NTM: variants seen among roughly 807,000 people sequenced by gnomAD.
NTM encodes the protein IgLON family member 2.
NTM carries 13 observed loss-of-function variants against 42.1 expected under a neutral mutation model. The observed-to-expected ratio is 0.31, with a 90% CI of 0.20 to 0.49. The LOEUF (loss-of-function observed/expected upper bound fraction) is 0.49. Among genes scored for constraint, NTM ranks in the 20% least tolerant of loss-of-function variants. The pLI, the probability that NTM is intolerant of heterozygous loss-of-function variation, is 0.99. For missense variants in NTM, 373 were observed against 452.8 expected, an observed-to-expected ratio of 0.82 and a Z score of 1.60; for synonymous variants, 187 against 179.2, an observed-to-expected ratio of 1.04 and a Z score of -0.35.
At chr11:132,053,730 C>A (rs1194173649) in intron 2 of NTM, among the ~76,000 whole-genome samples, 1 of 152,214 alleles carries the variant, frequency 6.6e-6, no homozygotes, top group African/African-American at 2.4e-5. Flanking sequence ...GAGGATTTAT[C>A]TTGTTTGTTC....
At chr11:131,808,686 G>A (rs1187863741) in intron 1 of NTM, among the ~76,000 whole-genome samples, 1 of 152,192 alleles carries the variant, frequency 6.6e-6, no homozygotes, top group African/African-American at 2.4e-5. Flanking sequence ...GTTGTAGGGA[G>A]AGGAGTGCTC....
chr11:132,001,110 A>G (rs1359078023), intron 2 of NTM, among the ~76,000 whole-genome samples: 1 of 152,002 alleles, frequency 6.6e-6, no homozygotes, highest in Non-Finnish European at 1.5e-5. Context: ...TTTGTTTTGC[A>G]GGTTGCAAAA....
intron 4 of NTM, among the ~76,000 whole-genome samples, chr11:132,217,717 C>T (rs909826950): frequency 4.6e-5 from 7 of 151,976 alleles, no homozygotes; most frequent in African/African-American, 1.7e-4. Context: ...CCTCAGTTCT[C>T]CTTTTCTACT....
chr11:131,973,358 T>C (rs1333102638), intron 2 of NTM, among the ~76,000 whole-genome samples: 1 of 152,242 alleles, frequency 6.6e-6, no homozygotes, highest in African/African-American at 2.4e-5. Context: ...ACTTAGCTCT[T>C]ACTTTACAGC....
At chr11:132,268,897 G>A (rs758257218) in intron 4 of NTM, among the ~76,000 whole-genome samples, 3 of 152,108 alleles carry the variant, frequency 2.0e-5, no homozygotes, top group Non-Finnish European at 4.4e-5. Context: ...GAGAATGCCA[G>A]CTTGTTCCTG....
At chr11:131,841,035 G>A (rs1327473969) in intron 1 of NTM, among the ~76,000 whole-genome samples, 1 of 152,164 alleles carries the variant, frequency 6.6e-6, no homozygotes, top group Non-Finnish European at 1.5e-5. Flanking sequence ...AGTTTAAACT[G>A]AGCTAATTCA....
At chr11:131,794,206 C>T (rs557120514) in intron 1 of NTM, among the ~76,000 whole-genome samples, 2 of 152,244 alleles carry the variant, frequency 1.3e-5, no homozygotes, top group Admixed American at 1.3e-4. Context: ...CTGTCTCGCA[C>T]CTCTGGCTTG....
intron 1 of NTM, among the ~76,000 whole-genome samples, chr11:131,726,322 T>C (rs2078965060): frequency 6.6e-6 from 1 of 152,138 alleles, no homozygotes; most frequent in South Asian, 2.1e-4. Context: ...CTTAAAAAAA[T>C]GGTGGTTGCA....
intron 2 of NTM, among the ~76,000 whole-genome samples, chr11:132,079,467 A>G (rs1458053457): frequency 1.3e-5 from 2 of 152,160 alleles, no homozygotes; most frequent in Admixed American, 1.3e-4. Context: ...TCCTGTTACC[A>G]TCGTTGTTAA....
At chr11:132,162,141 C>T (rs554748752) in intron 3 of NTM, among the ~76,000 whole-genome samples, 2 of 151,682 alleles carry the variant, frequency 1.3e-5, no homozygotes, top group Admixed American at 1.3e-4. Context: ...TACTTTGTCC[C>T]TTCTGTAATG....
intron 2 of NTM, among the ~76,000 whole-genome samples, chr11:131,931,070 A>C (rs1178376070): frequency 6.6e-6 from 1 of 152,198 alleles, no homozygotes; most frequent in African/African-American, 2.4e-5. Context: ...TGCGAGTGAC[A>C]TAGATTTTTT....
intron 1 of NTM, among the ~76,000 whole-genome samples, chr11:131,748,807 A>T (rs1360349974): frequency 2.0e-5 from 3 of 151,972 alleles, no homozygotes; most frequent in African/African-American, 7.3e-5. Flanking sequence ...TCTCTCCACT[A>T]CCCTGGAGGC....
At chr11:131,567,364 G>A (rs1310954725) in intron 1 of NTM, among the ~76,000 whole-genome samples, 4 of 152,096 alleles carry the variant, frequency 2.6e-5, no homozygotes, top group South Asian at 2.1e-4. Flanking sequence ...GCACACACCC[G>A]TGATCCCGGC....
chr11:131,938,548 G>A (rs541483244), intron 2 of NTM, among the ~76,000 whole-genome samples: 56 of 152,298 alleles, frequency 3.7e-4, no homozygotes, highest in African/African-American at 2.4e-4. Flanking sequence ...TTTTCTCTGC[G>A]TACAATGGAA....
intron 2 of NTM, among the ~76,000 whole-genome samples, chr11:132,048,132 A>T (rs2078278123): frequency 6.6e-6 from 1 of 151,850 alleles, no homozygotes; most frequent in Admixed American, 6.6e-5. Flanking sequence ...CTTTTGGATG[A>T]GCTCAAAATC....
intron 1 of NTM, among the ~76,000 whole-genome samples, chr11:131,634,036 A>G (rs1303279003): frequency 6.6e-6 from 1 of 152,126 alleles, no homozygotes; most frequent in Non-Finnish European, 1.5e-5. Context: ...CTTCAAGGCT[A>G]TGTTGAACCA....
At chr11:131,666,888 A>G (rs550778856) in intron 1 of NTM, among the ~76,000 whole-genome samples, 4 of 152,252 alleles carry the variant, frequency 2.6e-5, no homozygotes, top group African/African-American at 7.2e-5. Context: ...TGAGCTATTG[A>G]TCTGTGGCTG....
chr11:132,302,183 C>T (rs1019948476), intron 4 of NTM, among the ~76,000 whole-genome samples: 6 of 152,242 alleles, frequency 3.9e-5, no homozygotes, highest in Non-Finnish European at 7.4e-5. Context: ...TTCCCTGCTT[C>T]GGTTGTCGTA....
At chr11:132,199,686 A>G (rs2080856363) in intron 3 of NTM, among the ~76,000 whole-genome samples, 1 of 151,054 alleles carries the variant, frequency 6.6e-6, no homozygotes, top group African/African-American at 2.4e-5. Context: ...GAGAAAGAAG[A>G]GTTATTGTCA....
Sources: gnomAD v4.1 joint callset for allele counts (sites outside exome capture counted in the v4.1 genomes callset) on GRCh38, gnomAD v4.1.1 for gene constraint, MANE v1.5 for transcripts, NCBI Gene and HGNC (gene_info 2026-07-23, HGNC 2026-07-21) for gene names.